The following EXOC4 variants were observed in gnomAD, a reference collection of about 807,000 sequenced individuals.
EXOC4 encodes the protein exocyst complex component 4.
Under a neutral mutation model 107.2 loss-of-function variants are expected in EXOC4, and 71 were observed. The observed-to-expected ratio is 0.66, with a 90% confidence interval of 0.55 to 0.81. The LOEUF (loss-of-function observed/expected upper bound fraction) is 0.81. Ranked by LOEUF, EXOC4 falls within the 30% of genes least tolerant of loss-of-function variation. The pLI is 0.00. For synonymous variants in EXOC4, 456 were observed against 441.2 expected, an observed-to-expected ratio of 1.03 and a Z score of -0.42; for missense variants, 1,108 against 1,189.6, an observed-to-expected ratio of 0.93 and a Z score of 1.01.
intron 6 of EXOC4, among the ~76,000 whole-genome samples, chr7:133,370,534 G>C (rs952734653): frequency 6.6e-6 from 1 of 152,102 alleles, no homozygotes; most frequent in African/African-American, 2.4e-5. Context: ...GGATGACGTT[G>C]AGTTCTGTCT....
At chr7:133,838,323 T>G (rs143675323) in intron 11 of EXOC4, among the ~76,000 whole-genome samples, 3 of 152,314 alleles carry the variant, frequency 2.0e-5, no homozygotes, top group African/African-American at 7.2e-5. Context: ...TTTTCACATG[T>G]CCTGTAGTCT....
At chr7:134,073,343 G>A in the EXOC4 span, among the ~76,000 whole-genome samples, 30 of 150,980 alleles carry the variant, frequency 2.0e-4, no homozygotes, top group Non-Finnish European at 4.0e-4. Flanking sequence ...GAAACTGGAC[G>A]TTCTGATCTT....
At chr7:133,794,205 C>T (rs554151551) in intron 10 of EXOC4, among the ~76,000 whole-genome samples, 1 of 152,292 alleles carries the variant, frequency 6.6e-6, no homozygotes. Context: ...TGTGATGCTT[C>T]TCGTGTTCTT....
chr7:133,386,008 A>AC (rs1796718049), intron 7 of EXOC4, among the ~76,000 whole-genome samples: 1 of 152,126 alleles, frequency 6.6e-6, no homozygotes, highest in African/African-American at 2.4e-5. Flanking sequence ...ATTGTTTTCT[A>AC]ATTGTGAATA....
At chr7:133,502,987 G>A (rs1799601873) in intron 9 of EXOC4, among the ~76,000 whole-genome samples, 1 of 152,038 alleles carries the variant, frequency 6.6e-6, no homozygotes, top group Admixed American at 6.6e-5. Flanking sequence ...TTTCATATTT[G>A]CATGTATGAT....
chr7:134,022,452 G>A (rs747954223), intron 17 of EXOC4, among the ~76,000 whole-genome samples: 3 of 152,088 alleles, frequency 2.0e-5, no homozygotes, highest in Non-Finnish European at 2.9e-5. Context: ...GTACAGAGGG[G>A]AAGAATTGGC....
At chr7:133,605,628 T>G (rs566979084) in intron 9 of EXOC4, among the ~76,000 whole-genome samples, 112 of 152,272 alleles carry the variant, frequency 7.4e-4, no homozygotes, top group African/African-American at 2.5e-3. Flanking sequence ...AGCTGGGGAT[T>G]GCAGGTGGGT....
At chr7:133,688,611 A>G (rs1432381707) in intron 10 of EXOC4, among the ~76,000 whole-genome samples, 2 of 152,212 alleles carry the variant, frequency 1.3e-5, no homozygotes, top group Non-Finnish European at 2.9e-5. Context: ...CAAGTAAATT[A>G]TCTTTCAGTA....
Position 133,535,280 on chromosome 7 carries a change from G to A in EXOC4, c.1417+55142G>A, listed in dbSNP as rs553332170. Among the ~76,000 whole-genome samples the A allele has an allele frequency of 1.9e-4, 29 of 152,120 alleles. No individual in the cohort carries two copies. The South Asian group carries it at 5.2e-3, about 27-fold the overall frequency. ...GTGACTTGTCCAAAGTTACCCTCCC[G>A]GTAAGTAAAAGCCAGACCTTGAATG... On this transcript the variant is annotated intron_variant, in intron 9 of 17. Coordinates refer to ENST00000253861, the MANE Select transcript of EXOC4 (RefSeq NM_021807.4).
intron 9 of EXOC4, among the ~76,000 whole-genome samples, chr7:133,581,143 C>T (rs1801258673): frequency 6.6e-6 from 1 of 152,068 alleles, no homozygotes; most frequent in South Asian, 2.1e-4. Flanking sequence ...AATGTTTGGA[C>T]CCCCCAACTG....
intron 10 of EXOC4, among the ~76,000 whole-genome samples, chr7:133,656,113 G>A (rs946978698): frequency 6.6e-5 from 10 of 152,080 alleles, no homozygotes; most frequent in Non-Finnish European, 1.2e-4. Context: ...TGACCGAAAC[G>A]TCATCCTGTG....
Position 133,305,978 on chromosome 7 carries a change from T to C in EXOC4, c.573T>C (p.Val191=). 1.2e-6 allele frequency: 2 copies of C among 1,613,944 alleles called. No individual in the cohort carries two copies. The highest frequency in any genetic ancestry group is 1.7e-6 in the Non-Finnish European group (2 of 1,179,916). Reference sequence around the variant, plus strand: ...GCAAGAAGATGAACCTTCACTTGGTTCTCATAGATGAACTACACCGGCACC... The same window carrying C: ...GCAAGAAGATGAACCTTCACTTGGTCCTCATAGATGAACTACACCGGCACC... ...LHSKKMNLHL[V]LIDELHRHLY... is the part of the protein sequence containing the mutation. The change falls in exon 4 of 18, where the codon GTT becomes GTC. Residue 191 remains valine (V), a synonymous_variant. Coordinates refer to ENST00000253861, the MANE Select transcript of EXOC4 (RefSeq NM_021807.4).
intron 3 of EXOC4, among the ~76,000 whole-genome samples, chr7:133,297,902 C>T (rs1418495224): frequency 1.3e-5 from 2 of 152,174 alleles, no homozygotes; most frequent in Non-Finnish European, 2.9e-5. Context: ...ATACCTAAGT[C>T]GTTTGCTGCC....
At chr7:133,598,267 C>G (rs1452789357) in intron 9 of EXOC4, among the ~76,000 whole-genome samples, 2 of 152,168 alleles carry the variant, frequency 1.3e-5, no homozygotes, top group Non-Finnish European at 2.9e-5. Flanking sequence ...TTCTGCTGCA[C>G]CCTCATCTAA....
At chr7:133,533,499 A>G (rs1418160557) in intron 9 of EXOC4, among the ~76,000 whole-genome samples, 2 of 152,148 alleles carry the variant, frequency 1.3e-5, no homozygotes, top group African/African-American at 4.8e-5. Context: ...GAATCTGGCT[A>G]GTTTATGTAG....
chr7:133,326,154 C>T lies in EXOC4; in HGVS notation c.763+8764C>T, dbSNP rs1172568659. On this transcript the variant is annotated intron_variant, in intron 5 of 17. Transcript: ENST00000253861. The stretch of plus-strand genomic sequence containing the variant: ...GTTTTTAACTTCTTTGCAATGGGTT[C>T]GAACTTCCTCCTTTAGCTCAGAGAA... 8.5e-5 allele frequency among the ~76,000 whole-genome samples: 13 copies of T among 152,278 alleles called. No individual in the cohort carries two copies. In the East Asian group the frequency reaches 1.7e-3, roughly 20 times the overall value.
chr7:133,425,644 G>A (rs1277692790), intron 7 of EXOC4, among the ~76,000 whole-genome samples: 2 of 152,088 alleles, frequency 1.3e-5, no homozygotes, highest in South Asian at 4.1e-4. Flanking sequence ...GGGAACATGG[G>A]GAGTTGGACA....
At chr7:133,851,091 CAT>C (rs979106101) in intron 11 of EXOC4, among the ~76,000 whole-genome samples, 21 of 152,178 alleles carry the variant, frequency 1.4e-4, no homozygotes, top group South Asian at 2.1e-4. Context: ...GTCAAGCACA[CAT>C]GTTTAACTTT....
intron 17 of EXOC4, among the ~76,000 whole-genome samples, chr7:134,012,855 A>C (rs1316551213): frequency 1.3e-5 from 2 of 152,210 alleles, no homozygotes; most frequent in African/African-American, 4.8e-5. Context: ...ATAGGAAGGT[A>C]GCTAAGAAAG....
Sources: allele counts gnomAD v4.1 joint callset (sites outside exome capture counted in the v4.1 genomes callset), GRCh38; gene constraint gnomAD v4.1.1; transcripts MANE v1.5; gene names NCBI Gene and HGNC (gene_info 2026-07-23, HGNC 2026-07-21).